The following MYMX variants were observed in gnomAD, a reference collection of about 807,000 sequenced individuals.
The protein encoded by MYMX is protein myomixer.
the MYMX span, among the ~76,000 whole-genome samples, chr6:44,193,353 G>A: frequency 6.6e-6 from 1 of 151,972 alleles, no homozygotes; most frequent in Non-Finnish European, 1.5e-5. Context: ...ACAGGTGTGA[G>A]CCACTGCACC....
the MYMX span, among the ~76,000 whole-genome samples, chr6:44,199,975 G>A: frequency 2.6e-5 from 4 of 152,092 alleles, no homozygotes; most frequent in South Asian, 2.1e-4. Context: ...ATGAGCCACC[G>A]TGCCCGGTCA....
At chr6:44,205,959 G>A in the MYMX span, among the ~76,000 whole-genome samples, 1 of 119,916 alleles carries the variant, frequency 8.3e-6, no homozygotes, top group African/African-American at 3.3e-5. Context: ...CAGTCTGAGA[G>A]ACAGAGCCAG....
the MYMX span, among the ~76,000 whole-genome samples, chr6:44,203,549 T>C: frequency 2.2e-4 from 34 of 152,242 alleles, no homozygotes; most frequent in Middle Eastern, 0.017. Context: ...GGCCTTAGGG[T>C]GAGGACTTTG....
At chr6:44,208,642 C>T in the MYMX span, among the ~76,000 whole-genome samples, 558 of 152,314 alleles carry the variant, frequency 3.7e-3, 3 homozygotes, top group African/African-American at 0.013. Flanking sequence ...TTTAACTTCC[C>T]TTTCCCTGAA....
upstream of MYMX, among the ~76,000 whole-genome samples, chr6:44,214,445 G>A (rs1283494480): frequency 6.6e-6 from 1 of 152,228 alleles, no homozygotes; most frequent in Non-Finnish European, 1.5e-5. Context: ...AGGAGCAGGT[G>A]TAGAGGAAGA....
chr6:44,200,341 G>T, the MYMX span, among the ~76,000 whole-genome samples: 1 of 151,710 alleles, frequency 6.6e-6, no homozygotes, highest in African/African-American at 2.4e-5. Flanking sequence ...TTTAGACAGA[G>T]TCTTGCTCTG....
At chr6:44,196,498 G>A in the MYMX span, among the ~76,000 whole-genome samples, 1 of 152,054 alleles carries the variant, frequency 6.6e-6, no homozygotes, top group Admixed American at 6.6e-5. Flanking sequence ...GGCCAACAGG[G>A]TGAAAGCCCA....
At chr6:44,217,144 G>C (rs1775920842) in intron 1 of MYMX, 176 bp downstream of exon 1, 1 of 280,644 alleles carries the variant, frequency 3.6e-6, no homozygotes, top group Admixed American at 5.3e-5. Flanking sequence ...CAAGAGGAGG[G>C]GGTGACTAGA....
At chr6:44,205,663 GC>G in the MYMX span, among the ~76,000 whole-genome samples, 2 of 152,036 alleles carry the variant, frequency 1.3e-5, no homozygotes, top group East Asian at 3.8e-4. Flanking sequence ...ACAGAAATTA[GC>G]CAGGCATGGT....
At chr6:44,207,831 A>C in the MYMX span, among the ~76,000 whole-genome samples, 1 of 152,214 alleles carries the variant, frequency 6.6e-6, no homozygotes, top group Non-Finnish European at 1.5e-5. Flanking sequence ...GTGCCCGGTC[A>C]GTAAAGATTT....
At chr6:44,212,920 G>A (rs1441041304), upstream of MYMX, among the ~76,000 whole-genome samples, 1 of 151,582 alleles carries the variant, frequency 6.6e-6, no homozygotes, top group Non-Finnish European at 1.5e-5. Flanking sequence ...TCCAGCTACT[G>A]TGGAGACTGA....
chr6:44,211,999 C>A (rs1016267140), upstream of MYMX, among the ~76,000 whole-genome samples: 1 of 152,026 alleles, frequency 6.6e-6, no homozygotes, highest in Non-Finnish European at 1.5e-5. Flanking sequence ...TAGATTTGAA[C>A]ACCTGGGTTT....
At chr6:44,196,853 G>C in the MYMX span, among the ~76,000 whole-genome samples, 3 of 152,160 alleles carry the variant, frequency 2.0e-5, no homozygotes, top group Non-Finnish European at 4.4e-5. Context: ...AGCTGCTCAG[G>C]AGGCTGAGGC....
chr6:44,207,325 G>C, the MYMX span, among the ~76,000 whole-genome samples: 1 of 151,966 alleles, frequency 6.6e-6, no homozygotes, highest in African/African-American at 2.4e-5. Flanking sequence ...ATTTTTAGTA[G>C]AGATGGGGTT....
chr6:44,210,496 G>T, the MYMX span, among the ~76,000 whole-genome samples: 1 of 151,888 alleles, frequency 6.6e-6, no homozygotes, highest in Non-Finnish European at 1.5e-5. Flanking sequence ...TGTTGCCCAG[G>T]GTGGTCTCCA....
At chr6:44,193,145 CAG>C in the MYMX span, among the ~76,000 whole-genome samples, 21 of 152,192 alleles carry the variant, frequency 1.4e-4, no homozygotes, top group South Asian at 3.3e-3. Flanking sequence ...AGAGAACACT[CAG>C]GGGAAAATTA....
chr6:44,201,879 C>T, the MYMX span, among the ~76,000 whole-genome samples: 1 of 152,232 alleles, frequency 6.6e-6, no homozygotes, highest in African/African-American at 2.4e-5. Context: ...GTGCAATATA[C>T]AGCCTGCTCT....
chr6:44,201,353 C>T, the MYMX span, among the ~76,000 whole-genome samples: 1 of 152,084 alleles, frequency 6.6e-6, no homozygotes, highest in Non-Finnish European at 1.5e-5. Flanking sequence ...GGTTCCTGGC[C>T]CCAAGGTCTC....
the MYMX span, among the ~76,000 whole-genome samples, chr6:44,201,305 C>G: frequency 6.6e-6 from 1 of 152,164 alleles, no homozygotes; most frequent in Non-Finnish European, 1.5e-5. Flanking sequence ...AGAACTCCGC[C>G]CATTCCCCAC....
Sources: allele counts gnomAD v4.1 joint callset (sites outside exome capture counted in the v4.1 genomes callset), GRCh38; gene constraint gnomAD v4.1.1; transcripts MANE v1.5; gene names NCBI Gene and HGNC (gene_info 2026-07-23, HGNC 2026-07-21).